Variants in USP36 observed in about 807,000 individuals in gnomAD.
USP36 encodes ubiquitin specific peptidase 36.
Under a neutral mutation model 111.5 loss-of-function variants are expected in USP36, and 59 were observed. That is an observed-to-expected ratio of 0.53 (90% CI 0.43 to 0.66). The LOEUF (loss-of-function observed/expected upper bound fraction) is 0.66. Ranked by LOEUF, USP36 falls within the 30% of genes least tolerant of loss-of-function variation. The pLI is 0.00. For synonymous variants in USP36, 628 were observed against 581.0 expected (o/e 1.08, Z -1.16); for missense variants, 1,488 against 1,468.0 (o/e 1.01, Z -0.22).
chr17:78,828,367 T>C (rs529742863), intron 5 of USP36, among the ~76,000 whole-genome samples: 3 of 152,216 alleles, frequency 2.0e-5, no homozygotes, highest in Non-Finnish European at 2.9e-5. Flanking sequence ...TGAGACTTTT[T>C]TATAGCATAG....
chr17:78,836,096 A>C lies in USP36; in HGVS notation c.253+15T>G. The C allele has an allele frequency of 1.9e-6, 3 of 1,609,752 alleles. No individual in the cohort carries two copies. The highest frequency in any genetic ancestry group is 2.5e-6 in the Non-Finnish European group (3 of 1,177,554). On this transcript the variant is annotated intron_variant, in intron 3 of 20. Coordinates refer to ENST00000449938, the MANE Select transcript of USP36 (RefSeq NM_001385174.1). ...GGAGTGAGGGCCTCTCTGCCAGCAC[A>C]CTGCACATCTGTACCCTGTCTCCTG...
chr17:78,788,904 C>T lies in USP36; in HGVS notation c.*21-1246G>A, dbSNP rs146001432. ...ATGTCTGGGGACAATGCTGGCTTCACGAAAGAGAGATGAGGCCAGGTGCGG... is the reference window on the plus strand; with the variant it reads ...ATGTCTGGGGACAATGCTGGCTTCATGAAAGAGAGATGAGGCCAGGTGCGG... On this transcript the variant is annotated intron_variant, in intron 3 of 3. Transcript: ENST00000588130. 2.0e-3 allele frequency among the ~76,000 whole-genome samples: 305 copies of T among 151,950 alleles called. 2 individuals are homozygous for T. Among genetic ancestry groups the T allele is most frequent in the African/African-American group, 7.0e-3 (291 of 41,446 alleles).
intron 13 of USP36, among the ~76,000 whole-genome samples, chr17:78,810,384 C>T (rs531562263): frequency 6.6e-6 from 1 of 152,184 alleles, no homozygotes; most frequent in African/African-American, 2.4e-5. Context: ...ATCTCCCTGG[C>T]TCAAGTGATC....
Position 78,798,726 on chromosome 17 carries a change from G to A in USP36, c.3241-175C>T, listed in dbSNP as rs117093243. Reference sequence around the variant, plus strand: ...ACCTGCAGTCCCCCTATTGACAAAGGGGCGGAAGCTGCGAGGATGCATGCC... The same window carrying A: ...ACCTGCAGTCCCCCTATTGACAAAGAGGCGGAAGCTGCGAGGATGCATGCC... On this transcript the variant is annotated intron_variant, in intron 19 of 20. Transcript: ENST00000449938. This position sits in a 1 kb window ranked among gnomAD's most constrained non-coding sequence, Gnocchi z 5.1. Among the ~76,000 whole-genome samples, 2,079 of 152,278 alleles carry A rather than the reference G, an allele frequency of 0.014. 24 individuals carry two copies. The highest frequency in any genetic ancestry group is 0.022 in the Non-Finnish European group (1,485 of 68,010).
At chr17:78,808,288 G>A (rs1338278068) in intron 13 of USP36, among the ~76,000 whole-genome samples, 1 of 152,150 alleles carries the variant, frequency 6.6e-6, no homozygotes, top group Non-Finnish European at 1.5e-5. Flanking sequence ...TGTTGCCCAG[G>A]CTGGAGTGCA....
chr17:78,801,039 C>T (rs1281957768), intron 17 of USP36, among the ~76,000 whole-genome samples: 2 of 141,918 alleles, frequency 1.4e-5, no homozygotes, highest in Admixed American at 1.5e-4. Flanking sequence ...TGCAGTGGCG[C>T]AATCTCGGCT....
At position 78,806,238 on chromosome 17, in the gene USP36, G is replaced by A. The variant is rs143307341; in HGVS notation, c.2134C>T (p.Pro712Ser). 7 of 1,613,746 alleles carry A rather than the reference G, an allele frequency of 4.3e-6. No homozygotes were observed. Among genetic ancestry groups the A allele is most frequent in the African/African-American group, 1.3e-5 (1 of 74,886 alleles). The change falls in exon 15 of 21, where the codon CCC (proline) becomes TCC (serine). Residue 712 changes from proline to serine, a missense_variant. Physicochemically the swap from Pro to Ser is moderately conservative, Grantham distance 74. Coordinates refer to ENST00000449938, the MANE Select transcript of USP36 (RefSeq NM_001385174.1). ...ATGNDLRPPP[P>S]SPSSDLTHPM... ...TGGGTGAGGTCGGAGGATGGTGAGG[G>A]GGGAGGTGGACGGAGGTCATTGCCG...
downstream of USP36, among the ~76,000 whole-genome samples, chr17:78,793,671 C>T (rs940673830): frequency 2.0e-5 from 3 of 152,126 alleles, no homozygotes; most frequent in African/African-American, 7.2e-5. Context: ...ATCCTCATTG[C>T]GCTGAGGTTG....
chr17:78,836,132 C>A lies in USP36; in HGVS notation c.232G>T (p.Asp78Tyr). Residue 78 changes from aspartate (D) to tyrosine (Y), a missense_variant, in exon 3 of 21, where the codon GAC (aspartate) becomes TAC (tyrosine). Asp to Tyr is a radical substitution (Grantham distance 160). This residue lies in a region of USP36 where 219 missense variants were observed against 209.5 expected (regional missense o/e 1.05). Transcript: ENST00000449938. Reference protein sequence around the residue: ...EGASRHKSGDDPPARRQGSEH... With the variant: ...EGASRHKSGDYPPARRQGSEH... ...GTACCCTGTCTCCTGGCCGGTGGGT[C>A]ATCTCCACTCTTGTGGCGACTAGCT... is the stretch of plus-strand genomic sequence containing the variant. 6.2e-7 allele frequency: 1 copy of A among 1,613,654 alleles called. No individual in the cohort carries two copies. The highest frequency in any genetic ancestry group is 1.1e-5 in the South Asian group (1 of 91,026).
At chr17:78,791,703 G>A (rs73394904), downstream of USP36, among the ~76,000 whole-genome samples, 9,394 of 152,186 alleles carry the variant, frequency 0.062, 574 homozygotes, top group South Asian at 0.15. Context: ...AGAGGCAGGG[G>A]GGATCTGGAT....
rs758423834 is a variant in USP36, at chr17:78,803,896, T to C, written c.2299A>G (p.Lys767Glu). ...CGTGGTTCTGACGTCCCTGGGGGCT[T>C]GGGGGTACTGGACAGCAATGTGGGG... Reference protein sequence around the residue: ...PHPTLLSSTPKPPGTSEPRSC... With the variant: ...PHPTLLSSTPEPPGTSEPRSC... Residue 767 changes from lysine (K) to glutamate (E), a missense_variant, in exon 16 of 21, where the codon AAG (lysine) becomes GAG (glutamate). Coordinates refer to ENST00000449938, the MANE Select transcript of USP36 (RefSeq NM_001385174.1). This position sits in a 1 kb window ranked among gnomAD's most constrained non-coding sequence, Gnocchi z 4.6. 8.2e-5 allele frequency: 96 copies of C among 1,167,380 alleles called. No individual in the cohort carries two copies. Among genetic ancestry groups the C allele is most frequent in the African/African-American group, 2.6e-5 (1 of 38,192 alleles). 72.3% of individuals were successfully genotyped at this position (1,167,380 alleles called of 1,614,324 possible). A position where few individuals can be genotyped will look rare whatever the true frequency, so the allele number is the denominator to read the frequency against.
intron 4 of USP36, among the ~76,000 whole-genome samples, chr17:78,833,885 G>A (rs1041840602): frequency 1.3e-5 from 2 of 152,078 alleles, no homozygotes; most frequent in African/African-American, 4.8e-5. Flanking sequence ...AGAATGAGCT[G>A]GGAAAGATTC....
At chr17:78,788,712 TA>T (rs1567895676) in intron 3 of USP36, among the ~76,000 whole-genome samples, 1 of 151,770 alleles carries the variant, frequency 6.6e-6, no homozygotes, top group East Asian at 1.9e-4. Context: ...GTCCATGGGG[TA>T]GGTATTGCTG....
chr17:78,793,134 T>C (rs1180651009), downstream of USP36, among the ~76,000 whole-genome samples: 2 of 151,740 alleles, frequency 1.3e-5, no homozygotes, highest in African/African-American at 2.4e-5. Flanking sequence ...CCTATGAGCA[T>C]TGAGAACCCT....
At chr17:78,794,650 G>A (rs935893535), downstream of USP36, among the ~76,000 whole-genome samples, 36 of 152,312 alleles carry the variant, frequency 2.4e-4, no homozygotes, top group African/African-American at 7.7e-4. Context: ...CCTGTCAGGC[G>A]CGGTGGCTCA....
At position 78,807,197 on chromosome 17, in the gene USP36, T is replaced by C; in HGVS notation, c.1847A>G (p.Glu616Gly). Residue 616 changes from glutamate to glycine, a missense_variant, in exon 14 of 21, where the codon GAG becomes GGG. Coordinates refer to ENST00000449938, the MANE Select transcript of USP36 (RefSeq NM_001385174.1). ...GGTGGAGTCGCTGCTGGCCGAGTGC[T>C]CTGGGCTGGAGCTGCTGGAGCCCCT... ...DRRGSSSSSP[E>G]HSASSDSTKA... 6.2e-7 allele frequency: 1 copy of C among 1,614,110 alleles called. No individual in the cohort carries two copies. Among genetic ancestry groups the C allele is most frequent in the Non-Finnish European group, 8.5e-7 (1 of 1,179,996 alleles).
In USP36 at chr17:78,797,731, C is replaced by T. The variant is rs1452796199; in HGVS notation, c.*169G>A. ...CAAAGAGGTTCCGATCTAGAGAAGC[C>T]TCAAAGCCTCTGTGTTGGGCGGTCT... On this transcript the variant is annotated 3_prime_UTR_variant, in exon 21 of 21. Transcript: ENST00000449938. 6.6e-6 allele frequency: 1 copy of T among 152,380 alleles called. No individual in the cohort carries two copies. The highest frequency in any genetic ancestry group is 1.5e-5 in the Non-Finnish European group (1 of 68,190). The allele number at this position is 152,380 out of a possible 1,614,324, so 9.4% of individuals were successfully genotyped here.
intron 4 of USP36, among the ~76,000 whole-genome samples, chr17:78,830,025 C>T (rs965328798): frequency 6.6e-6 from 1 of 152,218 alleles, no homozygotes; most frequent in African/African-American, 2.4e-5. Context: ...AGGCGTGAGC[C>T]ATCGAGCCCA....
intron 18 of USP36, among the ~76,000 whole-genome samples, chr17:78,799,376 C>T (rs185687034): frequency 2.0e-5 from 3 of 152,300 alleles, no homozygotes; most frequent in East Asian, 1.9e-4. Context: ...GGAAGAGCTT[C>T]GTCACTCTGC....
Sources: allele counts gnomAD v4.1 joint callset (sites outside exome capture counted in the v4.1 genomes callset), GRCh38; gene constraint gnomAD v4.1.1; regional missense constraint gnomAD v4.1.1; non-coding constraint Gnocchi (gnomAD v3.1); transcripts MANE v1.5; gene names NCBI Gene and HGNC (gene_info 2026-07-23, HGNC 2026-07-21).